The following ATP5MC2 variants were observed in gnomAD, a reference collection of about 807,000 sequenced individuals.
ATP5MC2 encodes ATP synthase F(0) complex subunit C2, mitochondrial.
ATP5MC2 carries 11 observed loss-of-function variants against 13.5 expected under a neutral mutation model. The observed-to-expected ratio is 0.81, with a 90% CI of 0.51 to 1.35. The LOEUF (loss-of-function observed/expected upper bound fraction) is 1.35. ATP5MC2 is among the 40% of genes most tolerant of loss of function. The pLI is 0.00. For missense variants in ATP5MC2, 132 were observed against 175.0 expected (o/e 0.75, Z 1.39); for synonymous variants, 64 against 69.7 (o/e 0.92, Z 0.41).
rs1944887062 is a variant in ATP5MC2 at position 53,665,431 on chromosome 12, G to T, written c.312-3C>A. ...GCTGTTGCTTCAGAGAAGGGTTCCT[G>T]GTAGAAGGAGAAGAGAAAAGACTGA... is the stretch of plus-strand genomic sequence containing the variant. On this transcript the variant is annotated splice_region_variant and splice_polypyrimidine_tract_variant and intron_variant, in intron 4 of 4. Coordinates refer to ENST00000394349, the MANE Select transcript of ATP5MC2 (RefSeq NM_005176.7). 2 of 1,607,892 alleles carry T rather than the reference G, an allele frequency of 1.2e-6. No individual in the cohort carries two copies. Among genetic ancestry groups the T allele is most frequent in the East Asian group, 4.5e-5 (2 of 44,840 alleles).
chr12:53,677,256 G>A (rs1225639261), upstream of ATP5MC2: 1 of 152,572 alleles, frequency 6.6e-6, no homozygotes, highest in African/African-American at 2.4e-5. Context: ...TTGGGAGAAG[G>A]GGAGGATAAA....
At chr12:53,668,677 C>T (rs1024704915) in intron 4 of ATP5MC2, among the ~76,000 whole-genome samples, 18 of 152,082 alleles carry the variant, frequency 1.2e-4, no homozygotes, top group African/African-American at 4.3e-4. Flanking sequence ...ATATGGTTAG[C>T]GTGACTGAAG....
chr12:53,672,099 A>AAAAAAAAAAAAAAAT, intron 2 of ATP5MC2, among the ~76,000 whole-genome samples: 1 of 150,786 alleles, frequency 6.6e-6, no homozygotes, highest in African/African-American at 2.4e-5. Flanking sequence ...AAAAAAAAAA[A>AAAAAAAAAAAAAAAT]AAAAAATTAA....
upstream of ATP5MC2, among the ~76,000 whole-genome samples, chr12:53,680,919 T>G (rs9739598): frequency 0.58 from 88,144 of 151,554 alleles, 26,320 homozygotes; most frequent in East Asian, 0.94. Context: ...ATTATTTTTG[T>G]GGGGGAGGTG....
chr12:53,675,210 C>T (rs1438439774), intron 1 of ATP5MC2, among the ~76,000 whole-genome samples: 1 of 152,170 alleles, frequency 6.6e-6, no homozygotes, highest in Non-Finnish European at 1.5e-5. Context: ...TTAACTATTC[C>T]TTTCCTTAAA....
intron 4 of ATP5MC2, among the ~76,000 whole-genome samples, chr12:53,667,952 C>CATATATATATAT (rs71068162): frequency 1.8e-5 from 2 of 110,770 alleles, no homozygotes; most frequent in African/African-American, 6.4e-5. Flanking sequence ...CATACATACA[C>CATATATATATAT]ACACATATAT....
intron 2 of ATP5MC2, 92 bp downstream of exon 2, chr12:53,672,484 C>A: frequency 7.4e-7 from 1 of 1,352,458 alleles, no homozygotes; most frequent in Non-Finnish European, 1.0e-6. Flanking sequence ...GACCTCCTCT[C>A]CCCCAGCCTT....
At chr12:53,680,271 C>A (rs1056683806), upstream of ATP5MC2, among the ~76,000 whole-genome samples, 1 of 152,176 alleles carries the variant, frequency 6.6e-6, no homozygotes, top group Non-Finnish European at 1.5e-5. Flanking sequence ...CAGGTGTGAG[C>A]CACCATGCCC....
At chr12:53,666,557 G>GGACT in intron 4 of ATP5MC2, among the ~76,000 whole-genome samples, 1 of 148,328 alleles carries the variant, frequency 6.7e-6, no homozygotes, top group African/African-American at 2.5e-5. Context: ...CAGCCTGGGC[G>GGACT]ACAGAGCAAG....
chr12:53,673,909 C>A (rs1290851212), intron 1 of ATP5MC2: 1 of 154,298 alleles, frequency 6.5e-6, no homozygotes. Context: ...TAGAAGTGAA[C>A]TTACCTCAAA....
At chr12:53,674,326 C>T (rs536975557) in intron 1 of ATP5MC2, among the ~76,000 whole-genome samples, 2 of 152,276 alleles carry the variant, frequency 1.3e-5, no homozygotes, top group African/African-American at 2.4e-5. Context: ...TGGGCAACAA[C>T]GTGAAACCCT....
At chr12:53,671,916 T>A (rs1421456319) in intron 2 of ATP5MC2, among the ~76,000 whole-genome samples, 2 of 151,644 alleles carry the variant, frequency 1.3e-5, no homozygotes, top group Non-Finnish European at 2.9e-5. Flanking sequence ...CAACATGGTG[T>A]AACCCCATCT....
rs1555159624 is a variant in ATP5MC2, at chr12:53,667,950, C to CACAT, written c.311+1197_311+1198insATGT. Reference sequence around the variant, plus strand: ...AAACATTCTAATACATACATACATACACACACATATATATATATATATATA... The same window carrying CACAT: ...AAACATTCTAATACATACATACATACACATACACACATATATATATATATATATA... On this transcript the variant is annotated intron_variant, in intron 4 of 4. Transcript: ENST00000394349. 9.9e-4 allele frequency among the ~76,000 whole-genome samples: 37 copies of CACAT among 37,246 alleles called. 1 individual carries two copies. In the East Asian group the frequency reaches 0.027, roughly 27 times the overall value. The allele number at this position is 37,246 out of a possible 152,430, so 24.4% of individuals were successfully genotyped here. A position where few individuals can be genotyped will look rare whatever the true frequency, so the allele number is the denominator to read the frequency against.
At chr12:53,671,634 T>C (rs745708538) in intron 2 of ATP5MC2, among the ~76,000 whole-genome samples, 14 of 152,214 alleles carry the variant, frequency 9.2e-5, no homozygotes, top group Admixed American at 2.6e-4. Context: ...TATTTACCAC[T>C]CTGGATGGCC....
chr12:53,670,267 T>C (rs1337261901), intron 2 of ATP5MC2: 4 of 379,702 alleles, frequency 1.1e-5, no homozygotes, highest in Non-Finnish European at 2.0e-5. Context: ...TCAGAAGCAT[T>C]TGCCTCACTC....
At chr12:53,667,098 C>T (rs1267754840) in intron 4 of ATP5MC2, among the ~76,000 whole-genome samples, 2 of 152,182 alleles carry the variant, frequency 1.3e-5, no homozygotes, top group Non-Finnish European at 2.9e-5. Context: ...GGTAAATCGA[C>T]ACCAACATTT....
chr12:53,680,782 T>C (rs1945336187), upstream of ATP5MC2, among the ~76,000 whole-genome samples: 1 of 152,236 alleles, frequency 6.6e-6, no homozygotes. Context: ...ATCTCCTATG[T>C]GCTAGGCACT....
intron 4 of ATP5MC2, 109 bp from the exon 5 acceptor site, chr12:53,665,537 A>C: frequency 1.1e-6 from 1 of 933,536 alleles, no homozygotes; most frequent in South Asian, 1.4e-5. Flanking sequence ...TATCTCACAT[A>C]ATAAAGAAGC....
chr12:53,671,408 T>C (rs1321143450), intron 2 of ATP5MC2, among the ~76,000 whole-genome samples: 1 of 152,264 alleles, frequency 6.6e-6, no homozygotes, highest in East Asian at 1.9e-4. Flanking sequence ...GTACTCCTTT[T>C]TATTTGTGAA....
Sources: gnomAD v4.1 joint callset for allele counts (sites outside exome capture counted in the v4.1 genomes callset) on GRCh38, gnomAD v4.1.1 for gene constraint, MANE v1.5 for transcripts, NCBI Gene and HGNC (gene_info 2026-07-23, HGNC 2026-07-21) for gene names.